The following DISC1 variants were observed in gnomAD, a reference collection of about 807,000 sequenced individuals.
DISC1 encodes DISC1 scaffold protein.
DISC1 carries 57 observed loss-of-function variants against 84.5 expected under a neutral mutation model. The ratio of observed to expected loss-of-function variants is 0.67; its 90% CI spans 0.55 to 0.84. The LOEUF is 0.84. Among genes scored for constraint, DISC1 ranks in the 40% least tolerant of loss-of-function variants. The probability of loss-of-function intolerance (pLI) is 0.00; values close to 1 mark genes in which losing one functional copy is unlikely to be tolerated. For missense variants in DISC1, 1,000 were observed against 1,057.8 expected (o/e 0.95, Z 0.76); for synonymous variants, 411 against 415.2 (o/e 0.99, Z 0.12).
Position 231,639,353 on chromosome 1 carries a change from A to G in DISC1, c.67+12419A>G, listed in dbSNP as rs142464851. On this transcript the variant is annotated intron_variant, in intron 1 of 12. Coordinates refer to ENST00000439617, the MANE Select transcript of DISC1 (RefSeq NM_018662.3). ...AGTGGATTTAGGGGACTGATGAAGC[A>G]TGGGGCACTGCAGCATCCCCCTAGC... Among the ~76,000 whole-genome samples, 410 of 152,310 alleles carry G rather than the reference A, an allele frequency of 2.7e-3. 3 individuals carry two copies. The highest frequency in any genetic ancestry group is 9.4e-3 in the African/African-American group (392 of 41,558).
chr1:231,931,483 G>A (rs1292579875), intron 9 of DISC1, among the ~76,000 whole-genome samples: 1 of 152,104 alleles, frequency 6.6e-6, no homozygotes, highest in Non-Finnish European at 1.5e-5. Context: ...TTCCTGGCAG[G>A]GTCAATAAAT....
Position 231,701,961 on chromosome 1 carries a change from T to A in DISC1, c.1054T>A (p.Ser352Thr). The A allele has an allele frequency of 1.9e-6, 3 of 1,602,590 alleles. No homozygotes were observed. Among genetic ancestry groups the A allele is most frequent in the Middle Eastern group, 1.7e-4 (1 of 6,030 alleles). ...LRNRRQMEVI[S>T]LRLKLQKLQE... is the part of the protein sequence containing the mutation. ...CCCCTTTAAACCAACATAGGTAATA[T>A]CCTTAAGATTAAAACTTCAGAAACT... The change falls in exon 3 of 13, where the codon TCC becomes ACC. Residue 352 changes from serine (S) to threonine (T), a missense_variant. Physicochemically the swap from Ser to Thr is moderately conservative, Grantham distance 58. Transcript: ENST00000439617.
chr1:231,789,345 G>A (rs2078138778), intron 6 of DISC1, among the ~76,000 whole-genome samples: 1 of 152,210 alleles, frequency 6.6e-6, no homozygotes, highest in African/African-American at 2.4e-5. Flanking sequence ...GAAGGGAGCT[G>A]TAGGAGAGGA....
At chr1:231,908,257 G>A (rs1416335365) in intron 9 of DISC1, among the ~76,000 whole-genome samples, 5 of 152,120 alleles carry the variant, frequency 3.3e-5, no homozygotes, top group Admixed American at 1.3e-4. Flanking sequence ...GCCCATGCCT[G>A]TGTCCTGAAT....
chr1:231,904,465 G>A (rs1437043797), intron 9 of DISC1, among the ~76,000 whole-genome samples: 1 of 152,140 alleles, frequency 6.6e-6, no homozygotes, highest in African/African-American at 2.4e-5. Context: ...TCTCACTAGT[G>A]AAGAAGAGAG....
intron 5 of DISC1, among the ~76,000 whole-genome samples, chr1:231,769,079 T>C (rs2076368915): frequency 6.6e-6 from 1 of 152,192 alleles, no homozygotes; most frequent in Non-Finnish European, 1.5e-5. Flanking sequence ...ATGTGGACTT[T>C]TCTCAGATTG....
rs528992372 is a variant in DISC1 at position 231,768,877 on chromosome 1, T to G, written c.1398+1608T>G. Among the ~76,000 whole-genome samples, 10 of 152,238 alleles carry G rather than the reference T, an allele frequency of 6.6e-5. No individual in the cohort carries two copies. The South Asian group carries it at 2.1e-3, about 32-fold the overall frequency. On this transcript the variant is annotated intron_variant, in intron 5 of 12. Transcript: ENST00000439617. The stretch of plus-strand genomic sequence containing the variant: ...GAGAAGTGAGATTGGACCCAACAGT[T>G]CAAAGAGGAGAGGGAGTAGGCCTTG...
At chr1:231,901,378 T>C (rs1357574773) in intron 9 of DISC1, among the ~76,000 whole-genome samples, 1 of 152,222 alleles carries the variant, frequency 6.6e-6, no homozygotes, top group African/African-American at 2.4e-5. Context: ...TTGTCCATAA[T>C]TTCCTTAAAA....
intron 1 of DISC1, among the ~76,000 whole-genome samples, chr1:231,643,778 C>T (rs996725348): frequency 2.0e-5 from 3 of 152,166 alleles, no homozygotes; most frequent in African/African-American, 7.2e-5. Flanking sequence ...AAGGGCTTAG[C>T]AAACGGTAGC....
chr1:232,025,709 G>T (rs1300572969), intron 11 of DISC1, among the ~76,000 whole-genome samples: 1 of 150,836 alleles, frequency 6.6e-6, no homozygotes, highest in Non-Finnish European at 1.5e-5. Context: ...CCATTCTCCT[G>T]CCTCAGCCTC....
chr1:231,695,658 T>G (rs112484513), intron 2 of DISC1, among the ~76,000 whole-genome samples: 2,264 of 151,730 alleles, frequency 0.015, 66 homozygotes, highest in African/African-American at 0.051. Context: ...TGCTGTGTGT[T>G]CATGTGTGTG....
intron 9 of DISC1, among the ~76,000 whole-genome samples, chr1:231,877,269 T>A (rs2085958813): frequency 6.6e-6 from 1 of 152,194 alleles, no homozygotes. Flanking sequence ...TTCACAGACA[T>A]CTTTGTTGTA....
intron 1 of DISC1, among the ~76,000 whole-genome samples, chr1:231,663,480 G>T (rs529589389): frequency 2.6e-5 from 4 of 152,190 alleles, no homozygotes; most frequent in African/African-American, 9.6e-5. Flanking sequence ...TTTCCTGCTG[G>T]CATTTAAGTC....
At chr1:231,692,191 C>T (rs752768775) in intron 1 of DISC1, among the ~76,000 whole-genome samples, 1 of 152,150 alleles carries the variant, frequency 6.6e-6, no homozygotes, top group East Asian at 1.9e-4. Context: ...GTACCGATCT[C>T]CTAGGGTTAT....
chr1:231,801,322 GT>G (rs2079233223), intron 8 of DISC1, among the ~76,000 whole-genome samples: 1 of 152,158 alleles, frequency 6.6e-6, no homozygotes, highest in Non-Finnish European at 1.5e-5. Context: ...CTGAGTTAGG[GT>G]TTTTGCCTTT....
chr1:231,934,154 G>T (rs1231596889), intron 9 of DISC1, among the ~76,000 whole-genome samples: 2 of 152,184 alleles, frequency 1.3e-5, no homozygotes, highest in African/African-American at 4.8e-5. Context: ...GAAAAGGGGG[G>T]TGACCGTGCA....
At chr1:231,758,222 C>T (rs1381458130) in intron 4 of DISC1, among the ~76,000 whole-genome samples, 1 of 152,186 alleles carries the variant, frequency 6.6e-6, no homozygotes, top group Non-Finnish European at 1.5e-5. Context: ...TCTTCAAAAT[C>T]AACCTGTACT....
chr1:231,709,224 T>G (rs1244929455), intron 3 of DISC1, among the ~76,000 whole-genome samples: 1 of 152,200 alleles, frequency 6.6e-6, no homozygotes, highest in Non-Finnish European at 1.5e-5. Context: ...AGTGTTGGCA[T>G]TTTTCATGGG....
Position 232,037,013 on chromosome 1 carries a change from T to C in DISC1, c.*182T>C. ...GTGTGAAACTGAGGAGTCTGCAATT[T>C]GGAATATGGAGAGAGAGACTGATTT... is the stretch of plus-strand genomic sequence containing the variant. On this transcript the variant is annotated 3_prime_UTR_variant, in exon 13 of 13. Transcript: ENST00000439617. The C allele has an allele frequency of 1.9e-6, 1 of 540,012 alleles. No homozygotes were observed. Among genetic ancestry groups the C allele is most frequent in the African/African-American group, 1.9e-5 (1 of 51,594 alleles). 33.5% of individuals were successfully genotyped at this position (540,012 alleles called of 1,614,324 possible).
Sources: allele counts gnomAD v4.1 joint callset (sites outside exome capture counted in the v4.1 genomes callset), GRCh38; gene constraint gnomAD v4.1.1; transcripts MANE v1.5; gene names NCBI Gene and HGNC (gene_info 2026-07-23, HGNC 2026-07-21).